Variants in RB1 observed in about 807,000 individuals in gnomAD.
RB1 encodes retinoblastoma-associated protein.
RB1 carries 18 observed loss-of-function variants against 135.4 expected under a neutral mutation model. The ratio of observed to expected loss-of-function variants is 0.13; its 90% CI spans 0.09 to 0.20. RB1 has a LOEUF of 0.20. RB1 is among the 10% of genes least tolerant of loss of function. The probability of loss-of-function intolerance (pLI) is 1.00; values close to 1 mark genes in which losing one functional copy is unlikely to be tolerated. For synonymous variants in RB1, 365 were observed against 373.2 expected, an observed-to-expected ratio of 0.98 and a Z score of 0.25; for missense variants, 868 against 1,110.0, an observed-to-expected ratio of 0.78 and a Z score of 3.10.
At chr13:48,462,568 T>C (rs556776324) in intron 20 of RB1, among the ~76,000 whole-genome samples, 6 of 152,378 alleles carry the variant, frequency 3.9e-5, no homozygotes, top group African/African-American at 1.4e-4. Flanking sequence ...TTCTTGTTAG[T>C]GTCCTTTGAA....
intron 2 of RB1, among the ~76,000 whole-genome samples, chr13:48,341,487 A>G (rs1952442541): frequency 6.6e-6 from 1 of 151,986 alleles, no homozygotes; most frequent in African/African-American, 2.4e-5. Flanking sequence ...AGAACTTCCA[A>G]ACTTGTTTTC....
chr13:48,463,771 A>G lies in RB1; in HGVS notation c.2147A>G (p.Asn716Ser), dbSNP rs1200948879. Residue 716 changes from asparagine (N) to serine (S), a missense_variant, in exon 21 of 27, where the codon AAT (asparagine) becomes AGT (serine). Around this residue, in one of 3 missense-constraint regions of RB1, gnomAD observed 31 missense variants for 78.9 expected, o/e 0.39. Transcript: ENST00000267163. ...CSMYGICKVK[N>S]IDLKFKIIVT... ...ATGTATGGCATATGCAAAGTGAAGA[A>G]TATAGACCTTAAATTCAAAATCATT... is the stretch of plus-strand genomic sequence containing the variant. 1 of 1,602,490 alleles carries G rather than the reference A, an allele frequency of 6.2e-7. No individual in the cohort carries two copies. Among genetic ancestry groups the G allele is most frequent in the Admixed American group, 1.7e-5 (1 of 59,990 alleles).
Position 48,367,549 on chromosome 13 carries a change from A to G in RB1, c.995A>G (p.Asp332Gly), listed in dbSNP as rs763184576. 6.2e-7 allele frequency: 1 copy of G among 1,604,932 alleles called. No individual in the cohort carries two copies. The highest frequency in any genetic ancestry group is 1.1e-5 in the South Asian group (1 of 90,952). Residue 332 changes from aspartate (D) to glycine (G), a missense_variant, in exon 10 of 27, where the codon GAT becomes GGT. By Grantham distance (94) the Asp-to-Gly change is moderately conservative. Around this residue, in one of 3 missense-constraint regions of RB1, gnomAD observed 641 missense variants for 791.3 expected, o/e 0.81. Transcript: ENST00000267163. ...EEIYLKNKDLDARLFLDHDKT... is the reference protein window; with the variant it reads ...EEIYLKNKDLGARLFLDHDKT... ...ATTTATCTTAAAAATAAAGATCTAG[A>G]TGCAAGATTATTTTTGGATCATGAT...
At chr13:48,437,654 G>T (rs1368296823) in intron 17 of RB1, among the ~76,000 whole-genome samples, 1 of 152,152 alleles carries the variant, frequency 6.6e-6, no homozygotes, top group African/African-American at 2.4e-5. Context: ...TTTTTGCCAT[G>T]TGAGCCTCTC....
intron 3 of RB1, 27 bp downstream of exon 3, chr13:48,342,741 C>A (rs1952457928): frequency 6.9e-7 from 1 of 1,456,816 alleles, no homozygotes; most frequent in Non-Finnish European, 9.6e-7. Context: ...AAATATAAGC[C>A]TCTGCCATAA....
chr13:48,320,463 C>A, intron 2 of RB1: 1 of 847,144 alleles, frequency 1.2e-6, no homozygotes. Context: ...GAGTAGCGTT[C>A]CTGAGAAACA....
At chr13:48,368,092 T>C (rs552275400) in intron 10 of RB1, among the ~76,000 whole-genome samples, 2 of 152,290 alleles carry the variant, frequency 1.3e-5, no homozygotes, top group Admixed American at 6.5e-5. Flanking sequence ...ACTCTTTTAA[T>C]ATGAAACTGA....
At chr13:48,358,915 T>C (rs1192224037) in intron 6 of RB1, among the ~76,000 whole-genome samples, 3 of 152,140 alleles carry the variant, frequency 2.0e-5, no homozygotes, top group African/African-American at 4.8e-5. Flanking sequence ...ACCACTATGG[T>C]ATTTTAAAAT....
Position 48,346,368 on chromosome 13 carries a change from ATATG to A in RB1, c.500+1171_500+1174del, listed in dbSNP as rs1342596286. Reference sequence around the variant, plus strand: ...TTTCACATTGAGTAGAATATTATATATATGTGTGTGTGTGTGTGTGTGTGTGTGT... The same window carrying A: ...TTTCACATTGAGTAGAATATTATATATGTGTGTGTGTGTGTGTGTGTGTGT... On this transcript the variant is annotated intron_variant, in intron 4 of 26. Transcript: ENST00000267163. Among the ~76,000 whole-genome samples, 55 of 108,594 alleles carry A rather than the reference ATATG, an allele frequency of 5.1e-4. No homozygotes were observed. The East Asian group carries it at 0.011, about 21-fold the overall frequency. The allele number at this position is 108,594 out of a possible 152,430, so 71.2% of individuals were successfully genotyped here. A position where few individuals can be genotyped will look rare whatever the true frequency, so the allele number is the denominator to read the frequency against.
intron 17 of RB1, among the ~76,000 whole-genome samples, chr13:48,446,854 TA>T (rs1423702674): frequency 8.8e-4 from 134 of 152,274 alleles, no homozygotes; most frequent in African/African-American, 3.2e-3. Context: ...TAAACCAAGA[TA>T]AGGCATTTGA....
chr13:48,323,808 A>G (rs1952261819), intron 2 of RB1, among the ~76,000 whole-genome samples: 1 of 152,080 alleles, frequency 6.6e-6, no homozygotes, highest in Admixed American at 6.5e-5. Context: ...TGGAGAAGCT[A>G]ACTAATTAAT....
intron 2 of RB1, chr13:48,317,826 G>A: frequency 2.7e-6 from 1 of 367,304 alleles, no homozygotes; most frequent in South Asian, 2.4e-5. Context: ...GACTCCGCGT[G>A]CACACGCCAG....
chr13:48,305,769 G>A (rs2854352), intron 1 of RB1, among the ~76,000 whole-genome samples: 140,058 of 152,266 alleles, frequency 0.92, 65,088 homozygotes, highest in East Asian at 1. Context: ...GGGTAGAACC[G>A]CTGCCGTGCA....
Position 48,459,616 on chromosome 13 carries a change from C to G in RB1, c.1961-72C>G, listed in dbSNP as rs1949382737. 14 of 1,515,540 alleles carry G rather than the reference C, an allele frequency of 9.2e-6. No homozygotes were observed. The Admixed American group carries it at 2.2e-4, about 24-fold the overall frequency. 93.9% of individuals were successfully genotyped at this position (1,515,540 alleles called of 1,614,324 possible). A position where few individuals can be genotyped will look rare whatever the true frequency, so the allele number is the denominator to read the frequency against. ...AACAGCATTATAATTAGAGCGATTTCATGATTTGAAAAAAATCTACTTGTA... is the reference window on the plus strand; with the variant it reads ...AACAGCATTATAATTAGAGCGATTTGATGATTTGAAAAAAATCTACTTGTA... On this transcript the variant is annotated intron_variant, in intron 19 of 26. Transcript: ENST00000267163.
At chr13:48,394,096 G>A (rs759243791) in intron 17 of RB1, among the ~76,000 whole-genome samples, 15 of 152,134 alleles carry the variant, frequency 9.9e-5, no homozygotes, top group East Asian at 1.9e-4. Flanking sequence ...TGCAGCCCAC[G>A]GAGGGCAAGC....
At chr13:48,415,278 T>G (rs943740690) in intron 17 of RB1, among the ~76,000 whole-genome samples, 3 of 151,886 alleles carry the variant, frequency 2.0e-5, no homozygotes, top group African/African-American at 7.2e-5. Flanking sequence ...TTTTCTTTTC[T>G]TTTTCTTTTT....
At chr13:48,313,285 C>A (rs1470999358) in intron 2 of RB1, among the ~76,000 whole-genome samples, 5 of 151,820 alleles carry the variant, frequency 3.3e-5, no homozygotes, top group African/African-American at 1.2e-4. Flanking sequence ...CAGACTTTTC[C>A]CCCCATTCTG....
In RB1 at chr13:48,395,070, C is replaced by A. The variant is rs1166868958; in HGVS notation, c.1695+13627C>A. Among the ~76,000 whole-genome samples the A allele has an allele frequency of 4.2e-5, 5 of 119,332 alleles. No individual in the cohort carries two copies. In the East Asian group the frequency reaches 1.3e-3, roughly 32 times the overall value. The allele number at this position is 119,332 out of a possible 152,430, so 78.3% of individuals were successfully genotyped here. ...GAAGGAACAGGCAGCAATCTTTGCT[C>A]TTCTGCAACCTCCACTGGTGATACC... On this transcript the variant is annotated intron_variant, in intron 17 of 26. Transcript: ENST00000267163.
At chr13:48,438,962 A>C (rs1949210179) in intron 17 of RB1, among the ~76,000 whole-genome samples, 1 of 152,300 alleles carries the variant, frequency 6.6e-6, no homozygotes, top group East Asian at 1.9e-4. Flanking sequence ...AGATGAATGG[A>C]TCAGTGAATG....
Sources: allele counts gnomAD v4.1 joint callset (sites outside exome capture counted in the v4.1 genomes callset), GRCh38; gene constraint gnomAD v4.1.1; regional missense constraint gnomAD v4.1.1; transcripts MANE v1.5; gene names NCBI Gene and HGNC (gene_info 2026-07-23, HGNC 2026-07-21).